GRIK2: variants seen among roughly 807,000 people sequenced by gnomAD.
GRIK2 encodes the protein glutamate receptor ionotropic, kainate 2.
GRIK2 carries 32 observed loss-of-function variants against 100.3 expected under a neutral mutation model. That is an observed-to-expected ratio of 0.32 (90% CI 0.24 to 0.43). The LOEUF is 0.43. GRIK2 is among the 20% of genes least tolerant of loss of function. GRIK2 has a pLI of 1.00. For synonymous variants in GRIK2, 417 were observed against 389.4 expected, an observed-to-expected ratio of 1.07 and a Z score of -0.83; for missense variants, 843 against 1,114.9, an observed-to-expected ratio of 0.76 and a Z score of 3.47.
At chr6:101,579,385 A>G (rs550141466) in intron 2 of GRIK2, among the ~76,000 whole-genome samples, 49 of 152,202 alleles carry the variant, frequency 3.2e-4, no homozygotes, top group South Asian at 2.7e-3. Flanking sequence ...AGACAGTTTC[A>G]TCATGCTCTC....
intron 14 of GRIK2, among the ~76,000 whole-genome samples, chr6:101,938,002 G>T (rs1790719087): frequency 6.6e-6 from 1 of 152,014 alleles, no homozygotes; most frequent in Non-Finnish European, 1.5e-5. Flanking sequence ...TCTTTGGTCA[G>T]CTGAATTTTC....
intron 11 of GRIK2, among the ~76,000 whole-genome samples, chr6:101,865,722 A>C (rs1418103218): frequency 5.3e-5 from 8 of 151,970 alleles, no homozygotes; most frequent in Non-Finnish European, 1.2e-4. Context: ...ACCCGTCTCT[A>C]CTAAAAATAC....
Position 101,559,135 on chromosome 6 carries a change from C to T in GRIK2, c.116-62814C>T, listed in dbSNP as rs180808360. ...CATACTCATTTAGTTTATGCCATCA[C>T]ATTTTTGTCAGAATTAGTATTTAAG... On this transcript the variant is annotated intron_variant, in intron 2 of 16. Transcript: ENST00000369134. Among the ~76,000 whole-genome samples, 10 of 152,194 alleles carry T rather than the reference C, an allele frequency of 6.6e-5. No homozygotes were observed. In the East Asian group the frequency reaches 1.5e-3, roughly 24 times the overall value.
chr6:101,428,673 A>C (rs531519059), intron 2 of GRIK2, among the ~76,000 whole-genome samples: 1 of 151,436 alleles, frequency 6.6e-6, no homozygotes, highest in South Asian at 2.1e-4. Context: ...ATGAAAATAC[A>C]TATATTAGTT....
At chr6:101,403,086 G>A (rs1775413804) in intron 2 of GRIK2, among the ~76,000 whole-genome samples, 1 of 152,198 alleles carries the variant, frequency 6.6e-6, no homozygotes, top group Non-Finnish European at 1.5e-5. Context: ...GCTGGCCTAG[G>A]GTTCACCGTT....
rs1339969178 is a variant in GRIK2 at position 101,565,966 on chromosome 6, C to T, written c.116-55983C>T. On this transcript the variant is annotated intron_variant, in intron 2 of 16. Coordinates refer to ENST00000369134, the MANE Select transcript of GRIK2 (RefSeq NM_021956.5). ...ATATATATATATATATATAAGCAAA[C>T]TAGAGAAAAGAAACTGTTATTAAAA... is the stretch of plus-strand genomic sequence containing the variant. Among the ~76,000 whole-genome samples, 13 of 125,788 alleles carry T rather than the reference C, an allele frequency of 1.0e-4. No homozygotes were observed. In the East Asian group the frequency reaches 3.0e-3, roughly 29 times the overall value. The allele number at this position is 125,788 out of a possible 152,430, so 82.5% of individuals were successfully genotyped here.
At chr6:101,883,199 A>G (rs1208554684) in intron 11 of GRIK2, among the ~76,000 whole-genome samples, 3 of 151,450 alleles carry the variant, frequency 2.0e-5, no homozygotes, top group African/African-American at 7.3e-5. Context: ...CGGTCTTTAC[A>G]ACAAAAATGA....
intron 2 of GRIK2, among the ~76,000 whole-genome samples, chr6:101,514,298 G>A (rs1774469426): frequency 6.6e-6 from 1 of 151,948 alleles, no homozygotes; most frequent in African/African-American, 2.4e-5. Flanking sequence ...GAACACCAGG[G>A]TTCTTGGTCC....
At chr6:101,508,972 G>C (rs6923255) in intron 2 of GRIK2, among the ~76,000 whole-genome samples, 1 of 151,658 alleles carries the variant, frequency 6.6e-6, no homozygotes, top group Non-Finnish European at 1.5e-5. Flanking sequence ...TGGCTAACAC[G>C]GTGAAACCCC....
intron 2 of GRIK2, among the ~76,000 whole-genome samples, chr6:101,453,798 C>G (rs113412400): frequency 6.6e-6 from 1 of 151,868 alleles, no homozygotes; most frequent in African/African-American, 2.4e-5. Context: ...TGTAAGCACC[C>G]TTTTATCACA....
chr6:101,503,061 G>A (rs952161289), intron 2 of GRIK2, among the ~76,000 whole-genome samples: 28 of 152,182 alleles, frequency 1.8e-4, no homozygotes, highest in African/African-American at 6.5e-4. Flanking sequence ...AACCAAATAG[G>A]GGAAAACCAG....
intron 2 of GRIK2, among the ~76,000 whole-genome samples, chr6:101,419,450 A>G (rs1052137703): frequency 6.6e-6 from 1 of 152,218 alleles, no homozygotes; most frequent in Non-Finnish European, 1.5e-5. Flanking sequence ...CTACAGCTAC[A>G]GTGGACATAT....
At chr6:101,981,047 G>A (rs575383975) in intron 14 of GRIK2, among the ~76,000 whole-genome samples, 58 of 151,692 alleles carry the variant, frequency 3.8e-4, no homozygotes, top group Admixed American at 3.4e-3. Context: ...ATGTGAAACA[G>A]TGATCCAAGT....
chr6:101,703,347 AG>A (rs1179713981), intron 7 of GRIK2, among the ~76,000 whole-genome samples: 1 of 151,892 alleles, frequency 6.6e-6, no homozygotes, highest in East Asian at 1.9e-4. Context: ...AAACAAAAAG[AG>A]TCTAATTTCA....
rs115014398 is a variant in GRIK2, at chr6:101,507,876, C to T, written c.115+108484C>T. On this transcript the variant is annotated intron_variant, in intron 2 of 16. Coordinates refer to ENST00000369134, the MANE Select transcript of GRIK2 (RefSeq NM_021956.5). The stretch of plus-strand genomic sequence containing the variant: ...CAATATTCTAGGATTCAAATTGGAT[C>T]ACAAGAGTTAGTGTTATCATTATAT... 5.8e-3 allele frequency among the ~76,000 whole-genome samples: 878 copies of T among 152,190 alleles called. 12 individuals are homozygous for T. The highest frequency in any genetic ancestry group is 0.02 in the African/African-American group (836 of 41,524).
chr6:101,866,276 A>G (rs1201030247), intron 11 of GRIK2, among the ~76,000 whole-genome samples: 4 of 152,200 alleles, frequency 2.6e-5, no homozygotes, highest in Non-Finnish European at 5.9e-5. Context: ...TAACAGGATT[A>G]TATCATTTTT....
intron 14 of GRIK2, chr6:101,993,400 T>C (rs1043063133): frequency 1.3e-4 from 20 of 151,526 alleles, no homozygotes; most frequent in African/African-American, 4.8e-4. Context: ...TTTATTTTTC[T>C]CTGGATTATT....
intron 7 of GRIK2, among the ~76,000 whole-genome samples, chr6:101,752,925 A>G (rs908896696): frequency 6.6e-5 from 10 of 152,222 alleles, no homozygotes; most frequent in Non-Finnish European, 5.9e-5. Flanking sequence ...ACAAACTGAC[A>G]AAAGAACTTA....
intron 10 of GRIK2, among the ~76,000 whole-genome samples, chr6:101,852,963 A>G (rs1017607554): frequency 2.0e-5 from 3 of 152,304 alleles, no homozygotes; most frequent in East Asian, 1.9e-4. Context: ...TAAAGTTTAT[A>G]TGTGATCAAA....
Sources: allele counts gnomAD v4.1 joint callset (sites outside exome capture counted in the v4.1 genomes callset), GRCh38; gene constraint gnomAD v4.1.1; transcripts MANE v1.5; gene names NCBI Gene and HGNC (gene_info 2026-07-23, HGNC 2026-07-21).